The following TDRD3 variants were observed in gnomAD, a reference collection of about 807,000 sequenced individuals.
TDRD3 encodes the protein tudor domain containing 3.
TDRD3 carries 45 observed loss-of-function variants against 86.7 expected under a neutral mutation model. That is an observed-to-expected ratio of 0.52 (90% confidence interval 0.41 to 0.67). The LOEUF (loss-of-function observed/expected upper bound fraction) is 0.67. Ranked by LOEUF, TDRD3 falls within the 30% of genes least tolerant of loss-of-function variation. The probability of loss-of-function intolerance (pLI) is 0.00; values close to 1 mark genes in which losing one functional copy is unlikely to be tolerated. For missense variants in TDRD3, 814 were observed against 889.0 expected (o/e 0.92, Z 1.07); for synonymous variants, 298 against 301.7 (o/e 0.99, Z 0.13).
chr13:60,536,917 C>T (rs1254342841), intron 12 of TDRD3: 2 of 151,978 alleles, frequency 1.3e-5, no homozygotes, highest in African/African-American at 4.8e-5. Context: ...GTCCTCATTG[C>T]TTTATCCTTG....
chr13:60,525,394 G>C (rs879433057), intron 10 of TDRD3, among the ~76,000 whole-genome samples: 3 of 151,470 alleles, frequency 2.0e-5, no homozygotes, highest in South Asian at 2.1e-4. Context: ...GGCTGGTCTC[G>C]AACTCCTGAC....
intron 1 of TDRD3, among the ~76,000 whole-genome samples, chr13:60,420,391 C>G (rs1305689416): frequency 7.0e-6 from 1 of 142,458 alleles, no homozygotes; most frequent in Admixed American, 6.9e-5. Flanking sequence ...TTTTTTTTTT[C>G]TTTTATAATG....
At chr13:60,541,714 GTCTTTTTTTTTTT>G (rs1957813730) in intron 12 of TDRD3, among the ~76,000 whole-genome samples, 5 of 43,010 alleles carry the variant, frequency 1.2e-4, no homozygotes, top group African/African-American at 3.8e-4. Context: ...CTTCAGCATA[GTCTTTTTTTTTTT>G]TTTTTTTTTT....
intron 1 of TDRD3, among the ~76,000 whole-genome samples, chr13:60,402,827 T>G (rs527735258): frequency 1.3e-5 from 2 of 151,894 alleles, no homozygotes; most frequent in African/African-American, 2.4e-5. Flanking sequence ...TAGGTAGGAT[T>G]ACAGGCATGC....
intron 5 of TDRD3, among the ~76,000 whole-genome samples, chr13:60,483,154 G>T (rs1367186525): frequency 6.6e-6 from 1 of 151,862 alleles, no homozygotes; most frequent in Non-Finnish European, 1.5e-5. Context: ...CAGGAAAAAA[G>T]AAAACTAAAA....
intron 12 of TDRD3, among the ~76,000 whole-genome samples, chr13:60,551,840 A>G (rs1958062321): frequency 1.3e-5 from 2 of 152,182 alleles, no homozygotes; most frequent in Admixed American, 1.3e-4. Flanking sequence ...CAGGAAAGAC[A>G]GTGAATGAGG....
In TDRD3 at chr13:60,444,724, C is replaced by T; in HGVS notation, c.168C>T (p.Asp56=). The T allele has an allele frequency of 6.7e-7, 1 of 1,487,000 alleles. No homozygotes were observed. Among genetic ancestry groups the T allele is most frequent in the Non-Finnish European group, 9.0e-7 (1 of 1,108,382 alleles). The allele number at this position is 1,487,000 out of a possible 1,614,324, so 92.1% of individuals were successfully genotyped here. ...TTGGCAAGAAATTCCTCCCCAGTGACATCAATAGTGGAAAGGTAGAAAAGG... is the reference window on the plus strand; with the variant it reads ...TTGGCAAGAAATTCCTCCCCAGTGATATCAATAGTGGAAAGGTAGAAAAGG... ...RTIGKKFLPS[D]INSGKVEKLE... The change falls in exon 3 of 14, where the codon GAC becomes GAT. Residue 56 remains aspartate (D), a synonymous_variant. Transcript: ENST00000377881.
intron 12 of TDRD3, among the ~76,000 whole-genome samples, chr13:60,557,581 C>T (rs531517165): frequency 6.6e-6 from 1 of 152,172 alleles, no homozygotes; most frequent in Non-Finnish European, 1.5e-5. Context: ...TGGGCCCTGC[C>T]TGCTTTAAGG....
intron 3 of TDRD3, among the ~76,000 whole-genome samples, chr13:60,456,001 C>T (rs1218560737): frequency 1.4e-5 from 2 of 138,186 alleles, no homozygotes; most frequent in Non-Finnish European, 3.0e-5. Flanking sequence ...ACCTGGGAGG[C>T]GGAGGTTGCA....
chr13:60,497,641 G>A (rs1391296027), intron 8 of TDRD3, among the ~76,000 whole-genome samples: 2 of 152,200 alleles, frequency 1.3e-5, no homozygotes, highest in African/African-American at 2.4e-5. Flanking sequence ...AAAGGTGCAT[G>A]CACAGTCTTG....
intron 6 of TDRD3, among the ~76,000 whole-genome samples, chr13:60,485,122 T>C (rs1595001768): frequency 6.6e-6 from 1 of 152,166 alleles, no homozygotes; most frequent in Non-Finnish European, 1.5e-5. Context: ...CTGAAATTTT[T>C]CTGTATTTGT....
chr13:60,423,563 C>T (rs1343541058), intron 1 of TDRD3, among the ~76,000 whole-genome samples: 1 of 152,078 alleles, frequency 6.6e-6, no homozygotes, highest in Non-Finnish European at 1.5e-5. Context: ...TAATAACTTC[C>T]ATAAAGTAGA....
At chr13:60,521,229 A>G (rs1957278913) in intron 10 of TDRD3, among the ~76,000 whole-genome samples, 1 of 152,154 alleles carries the variant, frequency 6.6e-6, no homozygotes, top group Admixed American at 6.5e-5. Flanking sequence ...TCAATCTTGC[A>G]CCCTTAGCTA....
At chr13:60,549,620 T>C (rs74993717) in intron 12 of TDRD3, among the ~76,000 whole-genome samples, 2,909 of 152,252 alleles carry the variant, frequency 0.019, 43 homozygotes, top group Non-Finnish European at 0.03. Flanking sequence ...ACGTGAGAGA[T>C]ATCAGTGTTT....
chr13:60,494,604 A>G (rs751586749), intron 8 of TDRD3, 29 bp downstream of exon 8: 3 of 1,597,402 alleles, frequency 1.9e-6, no homozygotes, highest in East Asian at 2.2e-5. Flanking sequence ...CCACAAATTT[A>G]AAGTGTTATT....
intron 3 of TDRD3, among the ~76,000 whole-genome samples, chr13:60,446,966 G>C (rs1955415289): frequency 6.6e-6 from 1 of 152,078 alleles, no homozygotes; most frequent in African/African-American, 2.4e-5. Context: ...AATCAACTTT[G>C]TTTGAATCTG....
chr13:60,528,212 A>G (rs1957492170), intron 10 of TDRD3, among the ~76,000 whole-genome samples, 155 bp from the exon 11 acceptor site: 1 of 152,230 alleles, frequency 6.6e-6, no homozygotes, highest in African/African-American at 2.4e-5. Flanking sequence ...ACTCCAAGGA[A>G]GCAAAGAAGG....
intron 12 of TDRD3, among the ~76,000 whole-genome samples, chr13:60,549,582 G>A (rs1182816914): frequency 6.6e-6 from 1 of 152,134 alleles, no homozygotes. Flanking sequence ...ACACGTGTGT[G>A]TGTGCACGTG....
At chr13:60,519,383 CAT>C (rs1957242088) in intron 10 of TDRD3, among the ~76,000 whole-genome samples, 1 of 152,086 alleles carries the variant, frequency 6.6e-6, no homozygotes, top group African/African-American at 2.4e-5. Flanking sequence ...GCAAAAATAA[CAT>C]AAGGTTATTT....
Sources: allele counts gnomAD v4.1 joint callset (sites outside exome capture counted in the v4.1 genomes callset), GRCh38; gene constraint gnomAD v4.1.1; transcripts MANE v1.5; gene names NCBI Gene and HGNC (gene_info 2026-07-23, HGNC 2026-07-21).